The following TENM4 variants were observed in gnomAD, a reference collection of about 807,000 sequenced individuals.
TENM4 encodes teneurin-4.
A neutral mutation model predicts 243.3 loss-of-function variants in TENM4; 82 were observed. The ratio of observed to expected loss-of-function variants is 0.34; its 90% CI spans 0.28 to 0.40. TENM4 has a LOEUF of 0.40. Among genes scored for constraint, TENM4 ranks in the 10% least tolerant of loss-of-function variants. The pLI, the probability that TENM4 is intolerant of heterozygous loss-of-function variation, is 1.00. For synonymous variants in TENM4, 1,412 were observed against 1,456.3 expected (o/e 0.97, Z 0.69); for missense variants, 3,138 against 3,673.3 (o/e 0.85, Z 3.77).
At chr11:79,177,955 G>C (rs1863200313) in intron 3 of TENM4, among the ~76,000 whole-genome samples, 1 of 152,180 alleles carries the variant, frequency 6.6e-6, no homozygotes, top group South Asian at 2.1e-4. Context: ...GATGTGAACA[G>C]ATTGAAGAAG....
chr11:79,306,549 A>G (rs1856629263), intron 1 of TENM4, among the ~76,000 whole-genome samples: 1 of 152,160 alleles, frequency 6.6e-6, no homozygotes, highest in Non-Finnish European at 1.5e-5. Context: ...TCGTGCTGGG[A>G]AGGGCCTGAG....
chr11:79,079,816 A>C (rs1860621089), intron 4 of TENM4, among the ~76,000 whole-genome samples: 1 of 141,828 alleles, frequency 7.1e-6, no homozygotes, highest in South Asian at 2.2e-4. Context: ...TGAGCAACAC[A>C]GTGACACTTT....
chr11:79,214,922 T>G (rs539423723), intron 3 of TENM4, among the ~76,000 whole-genome samples: 25 of 152,344 alleles, frequency 1.6e-4, no homozygotes, highest in South Asian at 6.2e-4. Flanking sequence ...GAGAAAGAAA[T>G]AAACTTCCGC....
intron 14 of TENM4, among the ~76,000 whole-genome samples, chr11:78,806,736 A>C (rs1390973828): frequency 1.3e-5 from 2 of 152,216 alleles, no homozygotes; most frequent in Admixed American, 1.3e-4. Context: ...GCCACTGTTA[A>C]GTGTACAAGT....
chr11:79,101,858 A>C (rs1861240375), intron 4 of TENM4, among the ~76,000 whole-genome samples: 1 of 152,208 alleles, frequency 6.6e-6, no homozygotes, highest in Non-Finnish European at 1.5e-5. Flanking sequence ...TCAAGTTTTC[A>C]TACCACTCCA....
intron 6 of TENM4, among the ~76,000 whole-genome samples, chr11:78,952,333 G>C (rs1046852222): frequency 6.6e-6 from 1 of 152,250 alleles, no homozygotes; most frequent in Non-Finnish European, 1.5e-5. Flanking sequence ...ACTCGAGGAA[G>C]GATAGGGCTC....
chr11:78,917,248 T>G (rs1856338588), intron 6 of TENM4, among the ~76,000 whole-genome samples: 1 of 152,196 alleles, frequency 6.6e-6, no homozygotes, highest in Non-Finnish European at 1.5e-5. Flanking sequence ...AGACTCCAAA[T>G]GCAGAGTCCT....
At chr11:78,971,623 A>G (rs959067725) in intron 6 of TENM4, among the ~76,000 whole-genome samples, 2 of 152,110 alleles carry the variant, frequency 1.3e-5, no homozygotes, top group Non-Finnish European at 2.9e-5. Context: ...TTTTTTATAC[A>G]TTAATATTAG....
chr11:78,667,739 A>C lies in TENM4; in HGVS notation c.7408+1198T>G, dbSNP rs189014924. Among the ~76,000 whole-genome samples the C allele has an allele frequency of 4.6e-5, 7 of 152,362 alleles. No homozygotes were observed. In the South Asian group the frequency reaches 1.0e-3, roughly 23 times the overall value. Reference sequence around the variant, plus strand: ...GAAACAGTGGCTGCACAGAAGAAGCACTTGTAGAATGAAGGAAACTGCCAT... The same window carrying C: ...GAAACAGTGGCTGCACAGAAGAAGCCCTTGTAGAATGAAGGAAACTGCCAT... On this transcript the variant is annotated intron_variant, in intron 32 of 33. Coordinates refer to ENST00000278550, the MANE Select transcript of TENM4 (RefSeq NM_001098816.3).
In TENM4 at chr11:78,824,061, G is replaced by A. The variant is rs147624719; in HGVS notation, c.1682-9666C>T. The stretch of plus-strand genomic sequence containing the variant: ...GTGACAGGGCCAGTATCAAAATCTG[G>A]ATTTCTACTCCTACCTAACCTAGGG... On this transcript the variant is annotated intron_variant, in intron 12 of 33. Coordinates refer to ENST00000278550, the MANE Select transcript of TENM4 (RefSeq NM_001098816.3). Among the ~76,000 whole-genome samples the A allele has an allele frequency of 1.3e-3, 196 of 152,242 alleles. 1 individual carries two copies. The highest frequency in any genetic ancestry group is 2.2e-3 in the Non-Finnish European group (148 of 68,010).
intron 19 of TENM4, among the ~76,000 whole-genome samples, chr11:78,750,981 G>A (rs1270305423): frequency 6.6e-6 from 1 of 152,110 alleles, no homozygotes; most frequent in Non-Finnish European, 1.5e-5. Flanking sequence ...CTGGGTTCAA[G>A]TGATTCTCCC....
intron 1 of TENM4, among the ~76,000 whole-genome samples, chr11:79,374,531 T>C (rs1392350372): frequency 6.7e-6 from 1 of 149,214 alleles, no homozygotes; most frequent in Non-Finnish European, 1.5e-5. Context: ...TTTCCAACTA[T>C]ATATATCTAT....
chr11:79,221,172 T>C (rs1864147470), intron 2 of TENM4: 1 of 152,202 alleles, frequency 6.6e-6, no homozygotes, highest in African/African-American at 2.4e-5. Context: ...AAAATTGGAT[T>C]CAAATCCTGG....
At chr11:79,330,398 C>T (rs979916329) in intron 1 of TENM4, among the ~76,000 whole-genome samples, 2 of 152,166 alleles carry the variant, frequency 1.3e-5, no homozygotes, top group African/African-American at 4.8e-5. Flanking sequence ...CTTCTAGAAT[C>T]CTGAAAGGCA....
chr11:79,316,447 T>A (rs1856803565), intron 1 of TENM4, among the ~76,000 whole-genome samples: 1 of 152,202 alleles, frequency 6.6e-6, no homozygotes, highest in South Asian at 2.1e-4. Flanking sequence ...AATGTAGGTA[T>A]GGACAAGTGA....
intron 5 of TENM4, among the ~76,000 whole-genome samples, chr11:79,066,986 A>T (rs914897663): frequency 6.6e-6 from 1 of 152,204 alleles, no homozygotes; most frequent in Non-Finnish European, 1.5e-5. Context: ...ACAGCTTGGT[A>T]AATAACTTGT....
At chr11:79,387,251 A>C (rs1264206205) in intron 1 of TENM4, among the ~76,000 whole-genome samples, 2 of 152,228 alleles carry the variant, frequency 1.3e-5, no homozygotes, top group Non-Finnish European at 2.9e-5. Flanking sequence ...GCAAGAAGTA[A>C]GGGGAAAGAT....
chr11:78,886,271 T>C (rs1855548393), intron 9 of TENM4, among the ~76,000 whole-genome samples: 1 of 152,224 alleles, frequency 6.6e-6, no homozygotes, highest in African/African-American at 2.4e-5. Context: ...GTTGATTAGA[T>C]CGGTTGGTCT....
chr11:79,416,202 TCTTGTACAGGTCTTTGTATCTCAATACG>T (rs1266603968), intron 1 of TENM4, among the ~76,000 whole-genome samples: 1 of 152,224 alleles, frequency 6.6e-6, no homozygotes, highest in Non-Finnish European at 1.5e-5. Context: ...CCTCAAACAT[TCTTGTACAGGTCTTTGTATCTCAATACG>T]CTTTCACTTC....
Sources: allele counts gnomAD v4.1 joint callset (sites outside exome capture counted in the v4.1 genomes callset), GRCh38; gene constraint gnomAD v4.1.1; transcripts MANE v1.5; gene names NCBI Gene and HGNC (gene_info 2026-07-23, HGNC 2026-07-21).